The following PEBP4 variants were observed in gnomAD, a reference collection of about 807,000 sequenced individuals.
The protein encoded by PEBP4 is phosphatidylethanolamine-binding protein 4.
In PEBP4, 22 loss-of-function variants were observed where a neutral mutation model predicts 23.9. That is an observed-to-expected ratio of 0.92 (90% CI 0.66 to 1.31). PEBP4 has a LOEUF of 1.31. PEBP4 is among the 40% of genes most tolerant of loss of function. The probability of loss-of-function intolerance (pLI) is 0.00; values close to 1 mark genes in which losing one functional copy is unlikely to be tolerated. For synonymous variants in PEBP4, 112 were observed against 99.3 expected (o/e 1.13, Z -0.76); for missense variants, 324 against 281.7 (o/e 1.15, Z -1.07).
Position 22,713,517 on chromosome 8 carries a change from T to C in PEBP4, c.537A>G (p.Arg179=). The C allele has an allele frequency of 6.2e-7, 1 of 1,614,114 alleles. No homozygotes were observed. The highest frequency in any genetic ancestry group is 1.1e-5 in the South Asian group (1 of 91,082). The part of the protein sequence containing the change: ...NKTRGSWKMD[R]FLNRFHLGEP... ...CGCCCAGGTGGAAACGGTTCAGAAA[T>C]CTGTCCATTTTCCAAGAGCCTGGAA... Residue 179 remains arginine (R), a synonymous_variant, in exon 7 of 7, where the codon AGA becomes AGG. Transcript: ENST00000256404.
At chr8:22,753,747 G>C (rs1050280175) in intron 4 of PEBP4, among the ~76,000 whole-genome samples, 2 of 152,176 alleles carry the variant, frequency 1.3e-5, no homozygotes, top group Non-Finnish European at 2.9e-5. Flanking sequence ...GCTGGTGGCC[G>C]CCTCAACATT....
At chr8:22,882,073 T>G (rs1808270025) in intron 3 of PEBP4, among the ~76,000 whole-genome samples, 1 of 152,206 alleles carries the variant, frequency 6.6e-6, no homozygotes, top group African/African-American at 2.4e-5. Flanking sequence ...TGGTTTTCTG[T>G]GAAGATTAGA....
rs7015633 is a variant in PEBP4 at position 22,925,141 on chromosome 8, C to T, written c.131+2443G>A. The T allele has an allele frequency of 3.5e-3, 3,404 of 985,378 alleles. 86 individuals carry two copies. In the African/African-American group the frequency reaches 0.055, roughly 16 times the overall value. The allele number at this position is 985,378 out of a possible 1,614,324, so 61.0% of individuals were successfully genotyped here. On this transcript the variant is annotated intron_variant, in intron 2 of 6. Transcript: ENST00000256404. ...TTTCATTTCATCATCATTCATGATG[C>T]TCTCTTCCAAACAAAAATCTTCAGT...
At chr8:22,772,569 C>CATT (rs2128754149) in intron 4 of PEBP4, among the ~76,000 whole-genome samples, 1 of 144,686 alleles carries the variant, frequency 6.9e-6, no homozygotes, top group African/African-American at 2.6e-5. Flanking sequence ...GATTGTAGCT[C>CATT]ATTGCGGCAT....
intron 3 of PEBP4, among the ~76,000 whole-genome samples, chr8:22,819,399 G>A (rs559398896): frequency 3.3e-5 from 5 of 152,294 alleles, no homozygotes; most frequent in East Asian, 1.9e-4. Flanking sequence ...CTGTTATCAC[G>A]ATAAGACCAG....
At chr8:22,824,438 G>A (rs1806925400) in intron 3 of PEBP4, among the ~76,000 whole-genome samples, 2 of 152,046 alleles carry the variant, frequency 1.3e-5, no homozygotes, top group Admixed American at 6.6e-5. Context: ...TTAGGACAGC[G>A]CTCCCCAATA....
At chr8:22,921,782 T>C (rs116044154) in intron 2 of PEBP4, among the ~76,000 whole-genome samples, 2,370 of 152,316 alleles carry the variant, frequency 0.016, 51 homozygotes, top group African/African-American at 0.046. Context: ...AAGTTTTAGG[T>C]GACCAGTTTT....
intron 6 of PEBP4, among the ~76,000 whole-genome samples, chr8:22,717,524 C>T (rs1804439615): frequency 6.6e-6 from 1 of 152,184 alleles, no homozygotes; most frequent in Admixed American, 6.5e-5. Context: ...GGGAGGCTCC[C>T]CCCACCCCAG....
chr8:22,776,771 T>C (rs563541975), intron 4 of PEBP4, among the ~76,000 whole-genome samples: 2 of 147,736 alleles, frequency 1.4e-5, no homozygotes, highest in Admixed American at 6.8e-5. Context: ...GGTAAGCCAT[T>C]TTTTTCTGAT....
At chr8:22,911,974 G>A (rs988083914) in intron 3 of PEBP4, among the ~76,000 whole-genome samples, 3 of 152,100 alleles carry the variant, frequency 2.0e-5, no homozygotes, top group East Asian at 1.9e-4. Flanking sequence ...ATCGCTGAGC[G>A]TGCACCCTGC....
chr8:22,857,980 C>G (rs189680194), intron 3 of PEBP4, among the ~76,000 whole-genome samples: 1 of 152,192 alleles, frequency 6.6e-6, no homozygotes, highest in Non-Finnish European at 1.5e-5. Context: ...GTCCATGGGG[C>G]AAACTCTTAG....
intron 3 of PEBP4, among the ~76,000 whole-genome samples, chr8:22,891,845 G>A (rs1026781227): frequency 3.9e-5 from 6 of 152,294 alleles, no homozygotes; most frequent in South Asian, 2.1e-4. Context: ...AGGCCGAGGC[G>A]GACGGATCAC....
At chr8:22,837,600 A>G (rs1807231564) in intron 3 of PEBP4, among the ~76,000 whole-genome samples, 1 of 152,104 alleles carries the variant, frequency 6.6e-6, no homozygotes, top group Admixed American at 6.5e-5. Context: ...ACCCATACAC[A>G]TGCCCACACA....
At chr8:22,831,916 G>A (rs1357764293) in intron 3 of PEBP4, among the ~76,000 whole-genome samples, 1 of 152,100 alleles carries the variant, frequency 6.6e-6, no homozygotes, top group Non-Finnish European at 1.5e-5. Flanking sequence ...ATTGATGAGG[G>A]CAGATGAGCA....
chr8:22,740,246 G>A (rs1804961196), intron 4 of PEBP4, among the ~76,000 whole-genome samples: 1 of 152,206 alleles, frequency 6.6e-6, no homozygotes, highest in Non-Finnish European at 1.5e-5. Context: ...GCGAGATTTG[G>A]AAGCTCTAAG....
chr8:22,878,588 G>A (rs1028743860), intron 3 of PEBP4, among the ~76,000 whole-genome samples: 7 of 152,148 alleles, frequency 4.6e-5, no homozygotes, highest in Admixed American at 2.0e-4. Context: ...TTCCCTCTCC[G>A]GGCCTGGCAC....
At chr8:22,818,022 C>G (rs1806781922) in intron 3 of PEBP4, among the ~76,000 whole-genome samples, 1 of 152,238 alleles carries the variant, frequency 6.6e-6, no homozygotes, top group Non-Finnish European at 1.5e-5. Flanking sequence ...GAGCGCTGTG[C>G]TGAGTGCCGT....
At chr8:22,850,163 G>T (rs1213840079) in intron 3 of PEBP4, among the ~76,000 whole-genome samples, 1 of 152,060 alleles carries the variant, frequency 6.6e-6, no homozygotes, top group Non-Finnish European at 1.5e-5. Context: ...ATGGGCTTGA[G>T]GACTTGGCCA....
intron 4 of PEBP4, among the ~76,000 whole-genome samples, chr8:22,800,980 C>T (rs1327507001): frequency 6.6e-6 from 1 of 152,110 alleles, no homozygotes; most frequent in Non-Finnish European, 1.5e-5. Flanking sequence ...TTCACGGCCC[C>T]ACCCAACTCT....
Sources: allele counts gnomAD v4.1 joint callset (sites outside exome capture counted in the v4.1 genomes callset), GRCh38; gene constraint gnomAD v4.1.1; transcripts MANE v1.5; gene names NCBI Gene and HGNC (gene_info 2026-07-23, HGNC 2026-07-21).